Variants in HDHD5 observed in about 807,000 individuals in gnomAD.
HDHD5 encodes haloacid dehalogenase like hydrolase domain containing 5.
A neutral mutation model predicts 35.5 loss-of-function variants in HDHD5; 34 were observed. The ratio of observed to expected loss-of-function variants is 0.96; its 90% confidence interval spans 0.73 to 1.28. The LOEUF (loss-of-function observed/expected upper bound fraction) is 1.28, where lower values mean the gene tolerates loss of function less well. Ranked by LOEUF, HDHD5 falls within the 50% of genes most tolerant of loss-of-function variation. The pLI is 0.00. For synonymous variants in HDHD5, 248 were observed against 240.6 expected, an observed-to-expected ratio of 1.03 and a Z score of -0.29; for missense variants, 589 against 560.2, an observed-to-expected ratio of 1.05 and a Z score of -0.52.
chr22:17,165,236 A>G, exon 1 of HDHD5: 4 of 777,616 alleles, frequency 5.1e-6, no homozygotes, highest in Non-Finnish European at 7.2e-6. Context: ...GAAAGAACCA[A>G]GCATACATGA....
chr22:17,150,094 C>T (rs1229338341), intron 1 of HDHD5, among the ~76,000 whole-genome samples: 5 of 152,188 alleles, frequency 3.3e-5, no homozygotes, highest in African/African-American at 1.2e-4. Flanking sequence ...GATTATTAGG[C>T]GTGAGCCACC....
chr22:17,140,373 C>T (rs558989725), intron 6 of HDHD5, among the ~76,000 whole-genome samples: 16 of 152,240 alleles, frequency 1.1e-4, no homozygotes, highest in Admixed American at 9.8e-4. Flanking sequence ...CCTGCATGCC[C>T]CTGAGAAAGC....
Position 17,148,532 on chromosome 22 carries a change from T to C in HDHD5, c.359A>G (p.His120Arg). The C allele has an allele frequency of 6.2e-7, 1 of 1,613,856 alleles. No individual in the cohort carries two copies. Among genetic ancestry groups the C allele is most frequent in the Non-Finnish European group, 8.5e-7 (1 of 1,179,920 alleles). The change falls in exon 3 of 8, where the codon CAC becomes CGC. Residue 120 changes from histidine to arginine, a missense_variant. Coordinates refer to ENST00000336737, the MANE Select transcript of HDHD5 (RefSeq NM_033070.3). The stretch of plus-strand genomic sequence containing the variant: ...CTCGGAGAAGAGCTTCATGGGGCTG[T>C]GAGAGAGGATAACTTGGTCTGCATC... ...EVDADQVILS[H>R]SPMKLFSEYH...
At chr22:17,143,702 G>A (rs189023535) in intron 4 of HDHD5, 3 of 152,568 alleles carry the variant, frequency 2.0e-5, no homozygotes, top group Admixed American at 1.3e-4. Flanking sequence ...ACTTGCACAG[G>A]TCAGGGAGAA....
At chr22:17,160,289 G>T (rs1431263369), upstream of HDHD5, among the ~76,000 whole-genome samples, 1 of 152,058 alleles carries the variant, frequency 6.6e-6, no homozygotes, top group Non-Finnish European at 1.5e-5. Flanking sequence ...AAGGTGGGAG[G>T]AAAACTTGAG....
rs146587431 is a variant in HDHD5 at position 17,149,672 on chromosome 22, G to C, written c.200C>G (p.Ala67Gly). The C allele has an allele frequency of 6.2e-7, 1 of 1,613,946 alleles. No individual in the cohort carries two copies. The highest frequency in any genetic ancestry group is 8.5e-7 in the Non-Finnish European group (1 of 1,180,034). ...LVRGHRVIPAALKAFRRLVNS... is the reference protein window; with the variant it reads ...LVRGHRVIPAGLKAFRRLVNS... ...CACCAGCCTTCGGAAGGCTTTCAGA[G>C]CAGCAGGGATCACTCTGTGGCCCCG... The change falls in exon 2 of 8, where the codon GCT becomes GGT. Residue 67 changes from alanine to glycine, a missense_variant. Physicochemically the swap from Ala to Gly is moderately conservative, Grantham distance 60. Coordinates refer to ENST00000336737, the MANE Select transcript of HDHD5 (RefSeq NM_033070.3).
Position 17,149,715 on chromosome 22 carries a change from T to C in HDHD5, c.157A>G (p.Ile53Val). The C allele has an allele frequency of 4.3e-6, 7 of 1,614,082 alleles. No individual in the cohort carries two copies. Among genetic ancestry groups the C allele is most frequent in the South Asian group, 2.2e-5 (2 of 91,076 alleles). The change falls in exon 2 of 8, where the codon ATC becomes GTC. Residue 53 changes from isoleucine (I) to valine (V), a missense_variant. By Grantham distance (29) the Ile-to-Val change is conservative. Coordinates refer to ENST00000336737, the MANE Select transcript of HDHD5 (RefSeq NM_033070.3). ...SPPTFGFLLD[I>V]DGVLVRGHRV... ...TGGCCCCGCACAAGCACTCCATCGATGTCCAACAGGAACCCAAAGGTGGGT... is the reference window on the plus strand; with the variant it reads ...TGGCCCCGCACAAGCACTCCATCGACGTCCAACAGGAACCCAAAGGTGGGT...
At chr22:17,140,881 T>C (rs1479956640) in intron 6 of HDHD5, among the ~76,000 whole-genome samples, 178 bp downstream of exon 6, 1 of 152,190 alleles carries the variant, frequency 6.6e-6, no homozygotes, top group Non-Finnish European at 1.5e-5. Flanking sequence ...GTAACTAATA[T>C]GTGGAGTGGT....
rs1182833384 is a variant in HDHD5 at position 17,156,451 on chromosome 22, A to C, written c.126+2675T>G. On this transcript the variant is annotated intron_variant, in intron 1 of 7. Coordinates refer to ENST00000336737, the MANE Select transcript of HDHD5 (RefSeq NM_033070.3). ...CATGGTGAAACCCCATCTCTACCAA[A>C]GATACAAAAAATTAGCCGGGCGTGG... is the stretch of plus-strand genomic sequence containing the variant. 2.7e-5 allele frequency among the ~76,000 whole-genome samples: 4 copies of C among 150,736 alleles called. No homozygotes were observed. The South Asian group carries it at 8.7e-4, about 33-fold the overall frequency.
chr22:17,150,943 AT>A (rs2061718877), intron 1 of HDHD5, among the ~76,000 whole-genome samples: 1 of 152,292 alleles, frequency 6.6e-6, no homozygotes, highest in Non-Finnish European at 1.5e-5. Flanking sequence ...TTTTTCCACA[AT>A]TTTGCTATGA....
rs2061599456 is a variant in HDHD5 at position 17,141,331 on chromosome 22, C to T, written c.572-98G>A. 16 of 1,469,988 alleles carry T rather than the reference C, an allele frequency of 1.1e-5. No individual in the cohort carries two copies. The East Asian group carries it at 4.5e-4, about 41-fold the overall frequency. The allele number at this position is 1,469,988 out of a possible 1,614,324, so 91.1% of individuals were successfully genotyped here. ...GGGCTACCCATCCACAAGCCCTCCA[C>T]CCATGGTGCACCCAGCTGGGCAGGG... is the stretch of plus-strand genomic sequence containing the variant. On this transcript the variant is annotated intron_variant, in intron 5 of 7. Coordinates refer to ENST00000336737, the MANE Select transcript of HDHD5 (RefSeq NM_033070.3).
At chr22:17,159,349 C>T (rs1203425359), upstream of HDHD5, 5 of 1,208,680 alleles carry the variant, frequency 4.1e-6, no homozygotes, top group South Asian at 7.2e-5. Context: ...CGCGGCATCA[C>T]GGGAGTTGTA....
chr22:17,156,686 G>A lies in HDHD5; in HGVS notation c.126+2440C>T, dbSNP rs2123877378. ...AGTTACTCCGGAGGCTGAGGCAGGA[G>A]AATGATGTGAACCCAGGAGGCAGAG... is the stretch of plus-strand genomic sequence containing the variant. On this transcript the variant is annotated intron_variant, in intron 1 of 7. Coordinates refer to ENST00000336737, the MANE Select transcript of HDHD5 (RefSeq NM_033070.3). Among the ~76,000 whole-genome samples, 5 of 150,854 alleles carry A rather than the reference G, an allele frequency of 3.3e-5. No homozygotes were observed. In the South Asian group the frequency reaches 1.0e-3, roughly 32 times the overall value.
chr22:17,147,750 C>T (rs1407648320), intron 3 of HDHD5, among the ~76,000 whole-genome samples: 2 of 148,468 alleles, frequency 1.3e-5, no homozygotes, highest in Non-Finnish European at 3.0e-5. Flanking sequence ...TACCGGCCTT[C>T]GATCACACGC....
chr22:17,157,073 G>A (rs955454544), intron 1 of HDHD5, among the ~76,000 whole-genome samples: 3 of 59,906 alleles, frequency 5.0e-5, no homozygotes, highest in Middle Eastern at 7.6e-3. Flanking sequence ...GCTAGACACC[G>A]TCTCACACAC....
At chr22:17,162,477 T>C (rs1286784473), upstream of HDHD5, among the ~76,000 whole-genome samples, 2 of 152,238 alleles carry the variant, frequency 1.3e-5, no homozygotes, top group Non-Finnish European at 2.9e-5. Context: ...CTTCCTCCAT[T>C]GTGGACTGAA....
At position 17,149,625 on chromosome 22, in the gene HDHD5, C is replaced by T; in HGVS notation, c.247G>A (p.Val83Met). ...RLVNSQGQLR[V>M]PVVFVTNAGN... ...GCATTTGTAACAAAAACCACGGGCACCCGCAGCTGCCCCTGGGAGTTCACC... is the reference window on the plus strand; with the variant it reads ...GCATTTGTAACAAAAACCACGGGCATCCGCAGCTGCCCCTGGGAGTTCACC... The change falls in exon 2 of 8, where the codon GTG becomes ATG. Residue 83 changes from valine (V) to methionine (M), a missense_variant. Coordinates refer to ENST00000336737, the MANE Select transcript of HDHD5 (RefSeq NM_033070.3). 1.2e-6 allele frequency: 2 copies of T among 1,613,514 alleles called. No individual in the cohort carries two copies. Among genetic ancestry groups the T allele is most frequent in the East Asian group, 4.5e-5 (2 of 44,868 alleles).
chr22:17,138,209 A>G lies in HDHD5; in HGVS notation c.1084T>C (p.Cys362Arg). The G allele has an allele frequency of 6.2e-7, 1 of 1,614,140 alleles. No homozygotes were observed. The highest frequency in any genetic ancestry group is 8.5e-7 in the Non-Finnish European group (1 of 1,180,026). The change falls in exon 8 of 8, where the codon TGT becomes CGT. Residue 362 changes from cysteine (C) to arginine (R), a missense_variant. Coordinates refer to ENST00000336737, the MANE Select transcript of HDHD5 (RefSeq NM_033070.3). Reference protein sequence around the residue: ...ASQSCISILVCTGVYNPRNPQ... With the variant: ...ASQSCISILVRTGVYNPRNPQ... ...TTCCTGGGATTGTAGACGCCTGTAC[A>G]CACCAGGATGGAGATGCAGCTCTGG...
At chr22:17,163,118 G>A (rs886631298), upstream of HDHD5, among the ~76,000 whole-genome samples, 5 of 152,162 alleles carry the variant, frequency 3.3e-5, no homozygotes, top group Admixed American at 6.5e-5. Flanking sequence ...GTTTTGTACC[G>A]TCTGTTGTAC....
Sources: allele counts gnomAD v4.1 joint callset (sites outside exome capture counted in the v4.1 genomes callset), GRCh38; gene constraint gnomAD v4.1.1; transcripts MANE v1.5; gene names NCBI Gene and HGNC (gene_info 2026-07-23, HGNC 2026-07-21).